SPAG16: variants seen among roughly 807,000 people sequenced by gnomAD.
SPAG16 encodes sperm-associated antigen 16 protein.
Under a neutral mutation model 80.4 loss-of-function variants are expected in SPAG16, and 86 were observed. The observed-to-expected ratio is 1.07, with a 90% confidence interval of 0.90 to 1.28. The LOEUF (loss-of-function observed/expected upper bound fraction) is 1.28, where lower values mean the gene tolerates loss of function less well. Ranked by LOEUF, SPAG16 falls within the 50% of genes most tolerant of loss-of-function variation. The pLI is 0.00. For missense variants in SPAG16, 870 were observed against 765.3 expected (o/e 1.14, Z -1.61); for synonymous variants, 294 against 265.9 (o/e 1.11, Z -1.03).
chr2:213,714,099 G>A (rs200881540), intron 10 of SPAG16, among the ~76,000 whole-genome samples: 1 of 152,166 alleles, frequency 6.6e-6, no homozygotes, highest in East Asian at 1.9e-4. Context: ...GAGTGATCTT[G>A]GATCCCTGGT....
At chr2:213,724,683 C>A (rs1403895139) in intron 10 of SPAG16, among the ~76,000 whole-genome samples, 1 of 137,090 alleles carries the variant, frequency 7.3e-6, no homozygotes, top group Non-Finnish European at 1.5e-5. Flanking sequence ...GAGGCTGAGG[C>A]AGGAGAATTG....
chr2:213,360,146 A>G (rs556388365), intron 7 of SPAG16, among the ~76,000 whole-genome samples: 21 of 152,328 alleles, frequency 1.4e-4, no homozygotes, highest in African/African-American at 5.1e-4. Context: ...AGGTTTTACC[A>G]TGGACAATGC....
At chr2:214,088,266 C>T (rs185695110) in intron 13 of SPAG16, among the ~76,000 whole-genome samples, 6 of 151,932 alleles carry the variant, frequency 3.9e-5, no homozygotes, top group South Asian at 4.2e-4. Flanking sequence ...GAGCCATCAC[C>T]GAGATGAATG....
At chr2:213,429,971 C>T (rs2070190166) in intron 9 of SPAG16, among the ~76,000 whole-genome samples, 1 of 152,204 alleles carries the variant, frequency 6.6e-6, no homozygotes, top group Admixed American at 6.5e-5. Context: ...CAGTAATTCT[C>T]TAGCGACATG....
chr2:214,106,862 T>A (rs528077809), intron 13 of SPAG16, among the ~76,000 whole-genome samples: 1 of 152,284 alleles, frequency 6.6e-6, no homozygotes, highest in African/African-American at 2.4e-5. Context: ...AAACATCTAC[T>A]TGGAGACATT....
Position 214,236,815 on chromosome 2 carries a change from A to C in SPAG16, c.1720+87549A>C, listed in dbSNP as rs1259317069. Among the ~76,000 whole-genome samples the C allele has an allele frequency of 2.0e-5, 3 of 152,116 alleles. No individual in the cohort carries two copies. In the East Asian group the frequency reaches 5.8e-4, roughly 29 times the overall value. On this transcript the variant is annotated intron_variant, in intron 15 of 15. Coordinates refer to ENST00000331683, the MANE Select transcript of SPAG16 (RefSeq NM_024532.5). The stretch of plus-strand genomic sequence containing the variant: ...ATGAGTTCCTTGAAATCATCTTGCA[A>C]ACTGAAAGTGACTGTGATATAAGAA...
chr2:214,218,029 A>C (rs568612138), intron 15 of SPAG16, among the ~76,000 whole-genome samples: 1 of 152,324 alleles, frequency 6.6e-6, no homozygotes, highest in South Asian at 2.1e-4. Flanking sequence ...TATGTATAAT[A>C]AACTCACTAC....
chr2:214,141,329 C>T (rs1021308697), intron 14 of SPAG16, among the ~76,000 whole-genome samples: 16 of 151,794 alleles, frequency 1.1e-4, no homozygotes, highest in African/African-American at 3.6e-4. Context: ...TAGCCAGGCA[C>T]GGTGGCATGT....
intron 10 of SPAG16, among the ~76,000 whole-genome samples, chr2:213,809,839 T>C (rs2072019173): frequency 6.6e-6 from 1 of 152,222 alleles, no homozygotes; most frequent in South Asian, 2.1e-4. Flanking sequence ...ACATTAACTC[T>C]GTTTCTAGAA....
intron 13 of SPAG16, among the ~76,000 whole-genome samples, chr2:214,056,280 TACACACACACACACACAC>T (rs60247479): frequency 6.9e-5 from 10 of 144,562 alleles, no homozygotes; most frequent in Non-Finnish European, 1.2e-4. Flanking sequence ...GTAGTAGAAA[TACACACACACACACACAC>T]ACACACACAC....
chr2:213,949,269 C>T (rs556973223), intron 12 of SPAG16, among the ~76,000 whole-genome samples: 2 of 143,552 alleles, frequency 1.4e-5, no homozygotes, highest in South Asian at 4.5e-4. Context: ...CTCCCAGGTT[C>T]AAGCGATTCT....
intron 9 of SPAG16, among the ~76,000 whole-genome samples, chr2:213,468,712 GTATA>G: frequency 6.8e-6 from 1 of 147,628 alleles, no homozygotes; most frequent in East Asian, 2.0e-4. Flanking sequence ...ATATATCTGT[GTATA>G]TATATGTGTA....
intron 10 of SPAG16, among the ~76,000 whole-genome samples, chr2:213,789,506 G>A (rs2070554013): frequency 6.6e-6 from 1 of 152,028 alleles, no homozygotes; most frequent in African/African-American, 2.4e-5. Flanking sequence ...ATACACACAA[G>A]GTGATTATTT....
At position 214,326,781 on chromosome 2, in the gene SPAG16, T is replaced by C. The variant is rs889204468; in HGVS notation, c.1721-83359T>C. Among the ~76,000 whole-genome samples the C allele has an allele frequency of 4.0e-5, 6 of 151,734 alleles. No homozygotes were observed. In the East Asian group the frequency reaches 1.2e-3, roughly 29 times the overall value. On this transcript the variant is annotated intron_variant, in intron 15 of 15. Coordinates refer to ENST00000331683, the MANE Select transcript of SPAG16 (RefSeq NM_024532.5). ...TAACACGGTGAAACCCTGTCTCTACTAAAAATACAAAAAATTACCCGGGCG... is the reference window on the plus strand; with the variant it reads ...TAACACGGTGAAACCCTGTCTCTACCAAAAATACAAAAAATTACCCGGGCG...
intron 10 of SPAG16, among the ~76,000 whole-genome samples, chr2:213,773,264 C>T (rs1210404834): frequency 6.6e-6 from 1 of 152,056 alleles, no homozygotes; most frequent in Non-Finnish European, 1.5e-5. Flanking sequence ...AGTTTTTTCC[C>T]ACAAGGCATT....
At chr2:213,418,613 A>G (rs2069406021) in intron 9 of SPAG16, among the ~76,000 whole-genome samples, 1 of 152,062 alleles carries the variant, frequency 6.6e-6, no homozygotes. Context: ...TTTATTTTGT[A>G]TGGTCTTTTG....
intron 13 of SPAG16, among the ~76,000 whole-genome samples, chr2:214,078,136 C>A (rs2051177417): frequency 1.3e-5 from 2 of 152,122 alleles, no homozygotes; most frequent in Admixed American, 6.5e-5. Flanking sequence ...AAGAAAAAGA[C>A]CCTTCCACAT....
At chr2:213,743,524 A>G (rs2556308) in intron 10 of SPAG16, among the ~76,000 whole-genome samples, 140,759 of 152,238 alleles carry the variant, frequency 0.92, 66,122 homozygotes, top group East Asian at 1. Context: ...TTTTCAGCAT[A>G]CAGGAATGCT....
intron 10 of SPAG16, among the ~76,000 whole-genome samples, chr2:213,777,173 A>G (rs535155843): frequency 5.3e-5 from 8 of 151,414 alleles, no homozygotes; most frequent in Non-Finnish European, 1.2e-4. Flanking sequence ...AACTATTCTG[A>G]CAATATATTA....
Sources: allele counts gnomAD v4.1 joint callset (sites outside exome capture counted in the v4.1 genomes callset), GRCh38; gene constraint gnomAD v4.1.1; transcripts MANE v1.5; gene names NCBI Gene and HGNC (gene_info 2026-07-23, HGNC 2026-07-21).